The following PRKCB variants were observed in gnomAD, a reference collection of about 807,000 sequenced individuals.
The protein encoded by PRKCB is protein kinase C beta type.
In PRKCB, 13 loss-of-function variants were observed where a neutral mutation model predicts 81.5. The ratio of observed to expected loss-of-function variants is 0.16; its 90% CI spans 0.10 to 0.25. PRKCB has a LOEUF of 0.25. PRKCB is among the 10% of genes least tolerant of loss of function. The pLI is 1.00. For missense variants in PRKCB, 509 were observed against 875.7 expected, an observed-to-expected ratio of 0.58 and a Z score of 5.29; for synonymous variants, 335 against 321.4, an observed-to-expected ratio of 1.04 and a Z score of -0.45.
chr16:23,857,775 C>T (rs1450182241), intron 2 of PRKCB, among the ~76,000 whole-genome samples: 1 of 152,076 alleles, frequency 6.6e-6, no homozygotes, highest in Non-Finnish European at 1.5e-5. Flanking sequence ...AGAAGGATCT[C>T]TATTCATTGG....
chr16:24,018,024 G>A (rs959958015), intron 3 of PRKCB, among the ~76,000 whole-genome samples: 1 of 149,840 alleles, frequency 6.7e-6, no homozygotes, highest in Non-Finnish European at 1.5e-5. Context: ...TCAGCCTCCC[G>A]AGTAGCTGGG....
At chr16:23,873,167 AAAAC>A (rs1190226799) in intron 2 of PRKCB, among the ~76,000 whole-genome samples, 3 of 104,614 alleles carry the variant, frequency 2.9e-5, no homozygotes, top group Admixed American at 9.7e-5. Context: ...GTCTCTACTA[AAAAC>A]ACACACACAC....
intron 3 of PRKCB, among the ~76,000 whole-genome samples, chr16:24,005,710 G>A (rs552529168): frequency 1.3e-5 from 2 of 152,242 alleles, no homozygotes; most frequent in South Asian, 4.1e-4. Flanking sequence ...TGCCAACAAG[G>A]CCCTGTCCAT....
intron 2 of PRKCB, among the ~76,000 whole-genome samples, chr16:23,983,290 A>C (rs898897945): frequency 1.3e-5 from 2 of 152,214 alleles, no homozygotes; most frequent in Non-Finnish European, 2.9e-5. Flanking sequence ...TTTCAGAAAC[A>C]CACTGTGTAA....
chr16:23,928,610 AGAG>A (rs1310033117), intron 2 of PRKCB, among the ~76,000 whole-genome samples: 2 of 152,096 alleles, frequency 1.3e-5, no homozygotes, highest in African/African-American at 4.8e-5. Context: ...TAAGGTAGAA[AGAG>A]GAGGACAGTG....
chr16:24,035,674 G>A, intron 5 of PRKCB, 127 bp downstream of exon 5: 1 of 1,075,938 alleles, frequency 9.3e-7, no homozygotes, highest in East Asian at 2.6e-5. Context: ...GGGAGGGGGT[G>A]TGGCACTGCT....
intron 6 of PRKCB, among the ~76,000 whole-genome samples, 175 bp from the exon 7 acceptor site, chr16:24,093,988 C>CAGAAAAAGCTCTCA (rs1966408764): frequency 6.6e-6 from 1 of 152,222 alleles, no homozygotes; most frequent in African/African-American, 2.4e-5. Flanking sequence ...GGCTGTCAAA[C>CAGAAAAAGCTCTCA]AGAAAAAGCT....
chr16:24,122,377 A>C (rs1253068558), intron 8 of PRKCB, among the ~76,000 whole-genome samples: 1 of 150,292 alleles, frequency 6.7e-6, no homozygotes, highest in East Asian at 2.0e-4. Flanking sequence ...TATTGGGCAG[A>C]GGAATGTTAT....
At chr16:24,201,992 C>T (rs1397218367) in intron 16 of PRKCB, among the ~76,000 whole-genome samples, 8 of 150,290 alleles carry the variant, frequency 5.3e-5, no homozygotes, top group South Asian at 2.1e-4. Flanking sequence ...GCTGAGATAG[C>T]GCCACTGCAG....
intron 10 of PRKCB, 173 bp from the exon 11 acceptor site, chr16:24,172,097 C>T (rs564424273): frequency 3.4e-4 from 205 of 604,616 alleles, no homozygotes; most frequent in Admixed American, 1.3e-3. Context: ...TGCTCACTTG[C>T]GTAGTTCCAG....
chr16:24,013,757 G>C (rs1234476260), intron 3 of PRKCB, among the ~76,000 whole-genome samples: 1 of 143,610 alleles, frequency 7.0e-6, no homozygotes, highest in Non-Finnish European at 1.5e-5. Context: ...CTTGGTAAAA[G>C]ATGAAAGGTG....
At chr16:24,192,332 C>A (rs1287153088) in intron 16 of PRKCB, among the ~76,000 whole-genome samples, 4 of 152,044 alleles carry the variant, frequency 2.6e-5, no homozygotes, top group African/African-American at 9.7e-5. Flanking sequence ...GGTGTAGAGT[C>A]TTTGAGGGGC....
rs996795017 is a variant in PRKCB at position 23,857,701 on chromosome 16, T to TGA, written c.205+20311_205+20312dup. Among the ~76,000 whole-genome samples, 85 of 148,430 alleles carry TGA rather than the reference T, an allele frequency of 5.7e-4. 1 individual carries two copies. The highest frequency in any genetic ancestry group is 7.0e-3 in the Middle Eastern group (2 of 284). The stretch of plus-strand genomic sequence containing the variant: ...CTAGGCTTGTCCCTGCTTGAGGATG[T>TGA]GAGAGAGAGAGAGAGAGTGTGTGTG... On this transcript the variant is annotated intron_variant, in intron 2 of 16. Transcript: ENST00000643927.
intron 7 of PRKCB, among the ~76,000 whole-genome samples, chr16:24,106,240 G>A (rs959317012): frequency 5.3e-5 from 8 of 152,068 alleles, no homozygotes; most frequent in Non-Finnish European, 1.2e-4. Context: ...TTCCTCATTT[G>A]GAGATAATAG....
At chr16:24,092,257 T>C (rs964391177) in intron 5 of PRKCB, among the ~76,000 whole-genome samples, 5 of 152,228 alleles carry the variant, frequency 3.3e-5, no homozygotes, top group Admixed American at 1.3e-4. Context: ...GGATGTTTCA[T>C]GTAAATGGAA....
chr16:24,163,624 T>C (rs1967298602), intron 10 of PRKCB, among the ~76,000 whole-genome samples: 1 of 152,202 alleles, frequency 6.6e-6, no homozygotes, highest in Non-Finnish European at 1.5e-5. Context: ...ACAAAAAAGC[T>C]AGAGGAGCAT....
intron 7 of PRKCB, among the ~76,000 whole-genome samples, chr16:24,097,303 T>C (rs1193902284): frequency 6.6e-6 from 1 of 152,170 alleles, no homozygotes; most frequent in Non-Finnish European, 1.5e-5. Flanking sequence ...CCCAAAGTGC[T>C]GGGATTGCAG....
At chr16:24,147,135 C>T (rs574730738) in intron 9 of PRKCB, among the ~76,000 whole-genome samples, 2 of 151,892 alleles carry the variant, frequency 1.3e-5, no homozygotes, top group African/African-American at 2.4e-5. Flanking sequence ...GATGAAACCC[C>T]GTCTCTACTA....
intron 3 of PRKCB, among the ~76,000 whole-genome samples, chr16:23,991,303 C>G (rs1596501701): frequency 6.6e-6 from 1 of 152,170 alleles, no homozygotes; most frequent in African/African-American, 2.4e-5. Flanking sequence ...ATGGAACAAC[C>G]AAAGTCCTTG....
Sources: allele counts gnomAD v4.1 joint callset (sites outside exome capture counted in the v4.1 genomes callset), GRCh38; gene constraint gnomAD v4.1.1; transcripts MANE v1.5; gene names NCBI Gene and HGNC (gene_info 2026-07-23, HGNC 2026-07-21).